The following PTGDS variants were observed in gnomAD, a reference collection of about 807,000 sequenced individuals.
The protein encoded by PTGDS is prostaglandin D2 synthase.
A neutral mutation model predicts 28.4 loss-of-function variants in PTGDS; 21 were observed. The observed-to-expected ratio is 0.74, with a 90% CI of 0.52 to 1.07. The LOEUF is 1.07. PTGDS is among the 50% of genes least tolerant of loss of function. The probability of loss-of-function intolerance (pLI) is 0.00; values close to 1 mark genes in which losing one functional copy is unlikely to be tolerated. For synonymous variants in PTGDS, 102 were observed against 106.0 expected, an observed-to-expected ratio of 0.96 and a Z score of 0.23; for missense variants, 243 against 247.7, an observed-to-expected ratio of 0.98 and a Z score of 0.13.
intron 6 of PTGDS, 93 bp downstream of exon 6, chr9:136,980,948 C>A (rs895692364): frequency 2.0e-6 from 3 of 1,472,862 alleles, no homozygotes; most frequent in African/African-American, 1.4e-5. Flanking sequence ...TGGATCAGGG[C>A]CCCAGGACAG....
intron 4 of PTGDS, 44 bp from the exon 5 acceptor site, chr9:136,980,139 G>C: frequency 6.2e-7 from 1 of 1,609,550 alleles, no homozygotes; most frequent in East Asian, 2.2e-5. Context: ...AGGGCACACA[G>C]CATCCCCCCC....
intron 1 of PTGDS, 157 bp from the exon 2 acceptor site, chr9:136,978,835 TG>T: frequency 1.3e-6 from 1 of 741,152 alleles, no homozygotes; most frequent in Non-Finnish European, 1.7e-6. Context: ...GGTCAGTTCC[TG>T]GGGCGGGGCG....
intron 1 of PTGDS, among the ~76,000 whole-genome samples, chr9:136,977,993 GGACACACGAGC>G (rs1830391408): frequency 6.6e-6 from 1 of 152,206 alleles, no homozygotes; most frequent in African/African-American, 2.4e-5. Flanking sequence ...GACCCCCAGA[GGACACACGAGC>G]GCACGTTCCA....
Position 136,980,840 on chromosome 9 carries a change from C to T in PTGDS, c.558C>T (p.Cys186=). 1.9e-6 allele frequency: 3 copies of T among 1,612,072 alleles called. No homozygotes were observed. The highest frequency in any genetic ancestry group is 2.5e-6 in the Non-Finnish European group (3 of 1,178,958). Residue 186 remains cysteine, a synonymous_variant, in exon 6 of 7, where the codon TGC becomes TGT. Coordinates refer to ENST00000371625, the MANE Select transcript of PTGDS (RefSeq NM_000954.6). ...TGGCTTCTTTCTTGGCAGATAAGTG[C>T]ATGACGGAACAATAGGTGAGCCACT... is the stretch of plus-strand genomic sequence containing the variant. ...TIVFLPQTDK[C]MTEQ
rs1487841174 is a variant in PTGDS at position 136,978,604 on chromosome 9, G to C, written c.115-389G>C. Among the ~76,000 whole-genome samples, 34 of 136,004 alleles carry C rather than the reference G, an allele frequency of 2.5e-4. 1 individual carries two copies. Among genetic ancestry groups the C allele is most frequent in the East Asian group, 4.4e-4 (2 of 4,512 alleles). The allele number at this position is 136,004 out of a possible 152,430, so 89.2% of individuals were successfully genotyped here. ...GTGAGGGGCGGGGTCAGCTCCTAGG[G>C]GGGCATGGGGCGTGAGGGGCGCGGT... is the stretch of plus-strand genomic sequence containing the variant. On this transcript the variant is annotated intron_variant, in intron 1 of 6. Transcript: ENST00000371625.
Position 136,978,401 on chromosome 9 carries a change from G to A in PTGDS, c.115-592G>A, listed in dbSNP as rs148430937. Among the ~76,000 whole-genome samples, 696 of 150,784 alleles carry A rather than the reference G, an allele frequency of 4.6e-3. 6 individuals carry two copies. The highest frequency in any genetic ancestry group is 0.016 in the African/African-American group (655 of 40,904). Reference sequence around the variant, plus strand: ...CTCGGGAGGGGCGTGGCCAGACGGGGGTGCTGGGTGTCAGGGGCGTGGCCA... The same window carrying A: ...CTCGGGAGGGGCGTGGCCAGACGGGAGTGCTGGGTGTCAGGGGCGTGGCCA... On this transcript the variant is annotated intron_variant, in intron 1 of 6. Coordinates refer to ENST00000371625, the MANE Select transcript of PTGDS (RefSeq NM_000954.6).
At chr9:136,979,482 G>C in intron 3 of PTGDS, 183 bp downstream of exon 3, 2 of 1,529,764 alleles carry the variant, frequency 1.3e-6, no homozygotes, top group South Asian at 2.4e-5. Context: ...GGGACAGAGA[G>C]ACCCTTCCTC....
At chr9:136,978,188 C>G (rs1830394847) in intron 1 of PTGDS, among the ~76,000 whole-genome samples, 1 of 151,336 alleles carries the variant, frequency 6.6e-6, no homozygotes, top group South Asian at 2.1e-4. Context: ...GCGCCCCTCC[C>G]TGGCGTCGAG....
intron 3 of PTGDS, chr9:136,979,645 A>C: frequency 1.6e-6 from 1 of 628,460 alleles, no homozygotes; most frequent in South Asian, 2.0e-5. Flanking sequence ...CCTCACTCCC[A>C]CCTGGGGAAT....
At chr9:136,978,834 CTGGGGCGGGGCG>C in intron 1 of PTGDS, 147 bp from the exon 2 acceptor site, 2 of 802,296 alleles carry the variant, frequency 2.5e-6, no homozygotes, top group Non-Finnish European at 3.3e-6. Flanking sequence ...GGGTCAGTTC[CTGGGGCGGGGCG>C]TGAGGGGCGT....
In PTGDS at chr9:136,979,030, A is replaced by T; in HGVS notation, c.152A>T (p.Asn51Ile). ...TGGTTCAGCGCGGGCCTCGCCTCCA[A>T]CTCGAGCTGGCTCCGGGAGAAGAAG... is the stretch of plus-strand genomic sequence containing the variant. Reference protein sequence around the residue: ...GRWFSAGLASNSSWLREKKAA... With the variant: ...GRWFSAGLASISSWLREKKAA... Residue 51 changes from asparagine to isoleucine, a missense_variant, in exon 2 of 7, where the codon AAC (asparagine) becomes ATC (isoleucine). Coordinates refer to ENST00000371625, the MANE Select transcript of PTGDS (RefSeq NM_000954.6). 1 of 1,608,842 alleles carries T rather than the reference A, an allele frequency of 6.2e-7. No homozygotes were observed. Among genetic ancestry groups the T allele is most frequent in the Non-Finnish European group, 8.5e-7 (1 of 1,177,792 alleles).
At chr9:136,979,351 C>A in intron 3 of PTGDS, 52 bp downstream of exon 3, 1 of 1,587,416 alleles carries the variant, frequency 6.3e-7, no homozygotes, top group South Asian at 1.2e-5. Context: ...GCGACACTTG[C>A]CGGGACGACT....
At chr9:136,978,698 G>A (rs59391816) in intron 1 of PTGDS, 3 of 306,000 alleles carry the variant, frequency 9.8e-6, no homozygotes, top group Admixed American at 9.9e-5. Flanking sequence ...GGCGTGGTCA[G>A]CTCCTGGGGC....
chr9:136,980,065 A>G lies in PTGDS; in HGVS notation c.448+3A>G. On this transcript the variant is annotated splice_donor_region_variant and intron_variant, in intron 4 of 6. Coordinates refer to ENST00000371625, the MANE Select transcript of PTGDS (RefSeq NM_000954.6). Reference sequence around the variant, plus strand: ...CTTCCGCATGGCCACCCTCTACAGTACGTGCCCCGTGGACGCCGCCCACAC... The same window carrying G: ...CTTCCGCATGGCCACCCTCTACAGTGCGTGCCCCGTGGACGCCGCCCACAC... The G allele has an allele frequency of 6.2e-7, 1 of 1,610,736 alleles. No individual in the cohort carries two copies. The highest frequency in any genetic ancestry group is 1.1e-5 in the South Asian group (1 of 90,996).
At chr9:136,979,668 G>A in intron 3 of PTGDS, 1 of 611,094 alleles carries the variant, frequency 1.6e-6, no homozygotes, top group East Asian at 2.8e-5. Context: ...CTCCCACGGG[G>A]AAACCTCTTC....
intron 1 of PTGDS, 57 bp from the exon 2 acceptor site, chr9:136,978,936 A>G: frequency 2.5e-6 from 4 of 1,587,260 alleles, no homozygotes; most frequent in Non-Finnish European, 3.4e-6. Flanking sequence ...CCCCGCAGGT[A>G]GGCGCAGGTG....
rs1830432746 is a variant in PTGDS at position 136,980,180 on chromosome 9, C to T, written c.449-3C>T. On this transcript the variant is annotated splice_region_variant and splice_polypyrimidine_tract_variant and intron_variant, in intron 4 of 6. Coordinates refer to ENST00000371625, the MANE Select transcript of PTGDS (RefSeq NM_000954.6). Reference sequence around the variant, plus strand: ...GGCCAGCTCCGTCTCCACCCTGTCCCAGGCCGAACCCAGACCCCCAGGGCT... The same window carrying T: ...GGCCAGCTCCGTCTCCACCCTGTCCTAGGCCGAACCCAGACCCCCAGGGCT... 6.2e-7 allele frequency: 1 copy of T among 1,613,748 alleles called. No homozygotes were observed. Among genetic ancestry groups the T allele is most frequent in the East Asian group, 2.2e-5 (1 of 44,890 alleles).
Position 136,981,667 on chromosome 9 carries a change from GC to G in PTGDS, c.*93del. On this transcript the variant is annotated 3_prime_UTR_variant, in exon 7 of 7. Transcript: ENST00000371625. Reference sequence around the variant, plus strand: ...TGCTCTGTTCCTTCCCCGAGCCCCTGCCCCGGCTCCCCGCCAAAGCAACCCT... The same window carrying G: ...TGCTCTGTTCCTTCCCCGAGCCCCTGCCCGGCTCCCCGCCAAAGCAACCCT... 1 of 152,332 alleles carries G rather than the reference GC, an allele frequency of 6.6e-6. No homozygotes were observed. Among genetic ancestry groups the G allele is most frequent in the Non-Finnish European group, 1.5e-5 (1 of 68,136 alleles). 9.4% of individuals were successfully genotyped at this position (152,332 alleles called of 1,614,324 possible).
rs1830420679 is a variant in PTGDS at position 136,979,299 on chromosome 9, C to T, written c.331C>T (p.His111Tyr). 1.9e-6 allele frequency: 3 copies of T among 1,608,546 alleles called. No individual in the cohort carries two copies. The highest frequency in any genetic ancestry group is 2.5e-6 in the Non-Finnish European group (3 of 1,177,792). Residue 111 changes from histidine (H) to tyrosine (Y), a missense_variant and splice_region_variant, in exon 3 of 7, where the codon CAC (histidine) becomes TAC (tyrosine). Transcript: ENST00000371625. ...SLGSYSYRSP[H>Y]WGSTYSVSVV... is the part of the protein sequence containing the mutation. The stretch of plus-strand genomic sequence containing the variant: ...CGGCTCCTACAGCTACCGGAGTCCC[C>T]GTGAGTGGGGCCTCCACCGGCCCCC...
Sources: gnomAD v4.1 joint callset for allele counts (sites outside exome capture counted in the v4.1 genomes callset) on GRCh38, gnomAD v4.1.1 for gene constraint, MANE v1.5 for transcripts, NCBI Gene and HGNC (gene_info 2026-07-23, HGNC 2026-07-21) for gene names.